Variants in PTPRG observed in about 807,000 individuals in gnomAD.
PTPRG encodes the protein receptor-type tyrosine-protein phosphatase gamma.
Under a neutral mutation model 165.3 loss-of-function variants are expected in PTPRG, and 102 were observed. The ratio of observed to expected loss-of-function variants is 0.62; its 90% CI spans 0.53 to 0.73. The LOEUF (loss-of-function observed/expected upper bound fraction) is 0.73, where lower values mean the gene tolerates loss of function less well. PTPRG is among the 30% of genes least tolerant of loss of function. PTPRG has a pLI of 0.00. For missense variants in PTPRG, 1,866 were observed against 1,861.4 expected (o/e 1.00, Z -0.05); for synonymous variants, 675 against 669.5 (o/e 1.01, Z -0.13).
At chr3:62,084,701 G>A (rs1313269150) in intron 5 of PTPRG, among the ~76,000 whole-genome samples, 1 of 152,090 alleles carries the variant, frequency 6.6e-6, no homozygotes, top group African/African-American at 2.4e-5. Context: ...CCACTTCCCT[G>A]CATTTCACCT....
chr3:61,813,514 T>TA (rs2035654168), intron 2 of PTPRG, among the ~76,000 whole-genome samples: 2 of 118,060 alleles, frequency 1.7e-5, no homozygotes, highest in Admixed American at 9.0e-5. Context: ...AGACTCCGTC[T>TA]CAAAAAAAAA....
intron 2 of PTPRG, among the ~76,000 whole-genome samples, chr3:61,786,422 C>T (rs2034704598): frequency 6.6e-6 from 1 of 152,160 alleles, no homozygotes; most frequent in African/African-American, 2.4e-5. Context: ...ATACCTTGAG[C>T]CTCATGAGTT....
intron 2 of PTPRG, among the ~76,000 whole-genome samples, chr3:61,903,670 G>T (rs548647242): frequency 2.0e-5 from 3 of 152,248 alleles, no homozygotes; most frequent in Admixed American, 2.0e-4. Flanking sequence ...CACCGTGCCC[G>T]GGCCTGGCTG....
In PTPRG at chr3:62,274,394, A is replaced by T. The variant is rs185629440; in HGVS notation, c.3465+550A>T. On this transcript the variant is annotated intron_variant, in intron 23 of 29. Coordinates refer to ENST00000474889, the MANE Select transcript of PTPRG (RefSeq NM_002841.4). ...GGTTTATATGGAATTGACTGAAGTG[A>T]AGGTGAAAAAGAGAGATTATAAGGA... is the stretch of plus-strand genomic sequence containing the variant. Among the ~76,000 whole-genome samples, 4 of 152,310 alleles carry T rather than the reference A, an allele frequency of 2.6e-5. No individual in the cohort carries two copies. The East Asian group carries it at 7.7e-4, about 29-fold the overall frequency.
chr3:61,981,181 C>T (rs1303544019), intron 2 of PTPRG, among the ~76,000 whole-genome samples: 1 of 128,022 alleles, frequency 7.8e-6, no homozygotes, highest in South Asian at 2.3e-4. Flanking sequence ...CGTCAGATCT[C>T]GTGAGAACTC....
At chr3:61,824,893 A>C (rs1001202298) in intron 2 of PTPRG, among the ~76,000 whole-genome samples, 5 of 152,196 alleles carry the variant, frequency 3.3e-5, no homozygotes, top group Non-Finnish European at 7.4e-5. Context: ...ACAAAGTCCA[A>C]CTGGCTTCCT....
chr3:61,736,914 A>T (rs936855315), intron 1 of PTPRG, among the ~76,000 whole-genome samples: 2 of 152,224 alleles, frequency 1.3e-5, no homozygotes, highest in African/African-American at 4.8e-5. Flanking sequence ...AAAGGAAGGC[A>T]TATATCAGAC....
intron 1 of PTPRG, among the ~76,000 whole-genome samples, chr3:61,649,885 C>T (rs1702302532): frequency 6.6e-6 from 1 of 152,102 alleles, no homozygotes; most frequent in Non-Finnish European, 1.5e-5. Flanking sequence ...TGCCTTATGT[C>T]CCTGAGCTCA....
chr3:61,826,630 T>A (rs1377116011), intron 2 of PTPRG, among the ~76,000 whole-genome samples: 1 of 152,190 alleles, frequency 6.6e-6, no homozygotes, highest in African/African-American at 2.4e-5. Flanking sequence ...TTTGTGTTAG[T>A]GGCAGCCTGG....
intron 1 of PTPRG, among the ~76,000 whole-genome samples, chr3:61,581,755 A>G (rs1157646702): frequency 6.6e-6 from 1 of 151,620 alleles, no homozygotes; most frequent in Non-Finnish European, 1.5e-5. Flanking sequence ...AATTAGAGGC[A>G]CGCGCCACCA....
intron 1 of PTPRG, among the ~76,000 whole-genome samples, chr3:61,672,666 GC>G (rs1351381559): frequency 1.3e-5 from 2 of 148,862 alleles, no homozygotes; most frequent in African/African-American, 5.0e-5. Context: ...CGAGATGGCA[GC>G]AGTACCGTCC....
intron 1 of PTPRG, among the ~76,000 whole-genome samples, chr3:61,695,698 TATG>T (rs1214962217): frequency 6.6e-6 from 1 of 152,362 alleles, no homozygotes; most frequent in South Asian, 2.1e-4. Flanking sequence ...CCGTTGAAGA[TATG>T]ATGAGTTCTA....
At chr3:61,687,374 A>G (rs921467606) in intron 1 of PTPRG, among the ~76,000 whole-genome samples, 16 of 152,220 alleles carry the variant, frequency 1.1e-4, no homozygotes, top group Non-Finnish European at 2.4e-4. Flanking sequence ...AATAGCCAGC[A>G]TGTATTCATA....
intron 16 of PTPRG, chr3:62,261,206 C>G (rs977484396): frequency 6.6e-6 from 1 of 152,198 alleles, no homozygotes; most frequent in South Asian, 2.1e-4. Context: ...TAAAGAAGTA[C>G]ATGCCAAAGG....
chr3:61,626,811 A>G (rs1701621993), intron 1 of PTPRG, among the ~76,000 whole-genome samples: 1 of 152,214 alleles, frequency 6.6e-6, no homozygotes, highest in Admixed American at 6.5e-5. Flanking sequence ...CATGGCCCAC[A>G]TGGCCACCTA....
intron 2 of PTPRG, among the ~76,000 whole-genome samples, chr3:61,905,144 G>T (rs1355385194): frequency 6.6e-6 from 1 of 152,268 alleles, no homozygotes; most frequent in South Asian, 2.1e-4. Context: ...AAGCTATTCT[G>T]ATAGTCTGAC....
At chr3:61,735,049 C>G (rs1457602379) in intron 1 of PTPRG, among the ~76,000 whole-genome samples, 1 of 152,148 alleles carries the variant, frequency 6.6e-6, no homozygotes, top group Non-Finnish European at 1.5e-5. Context: ...TTAATAGCTG[C>G]AGTTTCTTCA....
At chr3:61,635,927 T>C (rs956989685) in intron 1 of PTPRG, among the ~76,000 whole-genome samples, 5 of 152,204 alleles carry the variant, frequency 3.3e-5, no homozygotes, top group African/African-American at 4.8e-5. Flanking sequence ...TGTGTTTTAT[T>C]TTCCAAATCC....
chr3:62,226,211 A>C (rs1304922176), intron 13 of PTPRG, among the ~76,000 whole-genome samples: 1 of 152,226 alleles, frequency 6.6e-6, no homozygotes, highest in African/African-American at 2.4e-5. Flanking sequence ...TGTCCAGAGG[A>C]GGAGTAGCAT....
Sources: allele counts gnomAD v4.1 joint callset (sites outside exome capture counted in the v4.1 genomes callset), GRCh38; gene constraint gnomAD v4.1.1; transcripts MANE v1.5; gene names NCBI Gene and HGNC (gene_info 2026-07-23, HGNC 2026-07-21).